Variants in PARP1 observed in about 807,000 individuals in gnomAD.
PARP1 encodes poly(ADP-ribose) polymerase 1.
A neutral mutation model predicts 118.7 loss-of-function variants in PARP1; 44 were observed. That is an observed-to-expected ratio of 0.37 (90% CI 0.29 to 0.48). PARP1 has a LOEUF of 0.48. Ranked by LOEUF, PARP1 falls within the 20% of genes least tolerant of loss-of-function variation. The pLI, the probability that PARP1 is intolerant of heterozygous loss-of-function variation, is 0.99. For missense variants in PARP1, 1,100 were observed against 1,272.4 expected, an observed-to-expected ratio of 0.86 and a Z score of 2.06; for synonymous variants, 492 against 483.2, an observed-to-expected ratio of 1.02 and a Z score of -0.24.
chr1:226,368,227 G>A lies in PARP1; in HGVS notation c.2249C>T (p.Pro750Leu), dbSNP rs766364807. Residue 750 changes from proline to leucine, a missense_variant, in exon 16 of 23, where the codon CCG becomes CTG. Physicochemically the swap from Pro to Leu is moderately conservative, Grantham distance 98 (BLOSUM62 -3). Around this residue, in one of 2 missense-constraint regions of PARP1, gnomAD observed 948 missense variants for 1,031.8 expected, o/e 0.92. Coordinates refer to ENST00000366794, the MANE Select transcript of PARP1 (RefSeq NM_001618.4). ...CACACTGTCTGCATTGTTCAGGAGC[G>A]GAGGCTTCTTCATCCCAAAGTCGTG... ...IPHDFGMKKP[P>L]LLNNADSVQA... The A allele has an allele frequency of 5.0e-6, 8 of 1,614,218 alleles. No individual in the cohort carries two copies. Among genetic ancestry groups the A allele is most frequent in the Non-Finnish European group, 6.8e-6 (8 of 1,180,032 alleles).
At chr1:226,398,307 T>C (rs886966942) in intron 2 of PARP1, among the ~76,000 whole-genome samples, 6 of 151,968 alleles carry the variant, frequency 3.9e-5, no homozygotes, top group East Asian at 1.9e-4. Context: ...AAACAAACAA[T>C]GTGATTTTAA....
intron 1 of PARP1, among the ~76,000 whole-genome samples, chr1:226,404,537 T>C (rs1459667352): frequency 1.3e-5 from 2 of 152,326 alleles, no homozygotes. Context: ...GTCTGGGTGC[T>C]GTCTCCCCCA....
rs3219149 is a variant in PARP1, at chr1:226,360,716, C to A, written c.*744G>T. On this transcript the variant is annotated 3_prime_UTR_variant, in exon 23 of 23. Transcript: ENST00000366794. The stretch of plus-strand genomic sequence containing the variant: ...TAGAGAAGGCATCTGCATTTTTAAT[C>A]GAGTATTACTATTAGCCCTTGGGTA... 0.011 allele frequency: 2,456 copies of A among 223,584 alleles called. 121 individuals are homozygous for A. Among genetic ancestry groups the A allele is most frequent in the Admixed American group, 0.091 (1,591 of 17,424 alleles). The allele number at this position is 223,584 out of a possible 1,614,324, so 13.9% of individuals were successfully genotyped here.
intron 22 of PARP1, 162 bp from the exon 23 acceptor site, chr1:226,361,703 G>T: frequency 1.4e-6 from 1 of 693,654 alleles, no homozygotes. Context: ...CTGGCAGGAT[G>T]CTCAATGCCA....
intron 17 of PARP1, 171 bp from the exon 18 acceptor site, chr1:226,366,223 G>A (rs369232313): frequency 2.0e-5 from 13 of 646,712 alleles, no homozygotes; most frequent in South Asian, 1.5e-4. Context: ...CTGGGCCAGT[G>A]GCTCCACTTA....
chr1:226,368,355 G>C, intron 15 of PARP1, 34 bp from the exon 16 acceptor site: 2 of 1,613,840 alleles, frequency 1.2e-6, no homozygotes, highest in Non-Finnish European at 1.7e-6. Flanking sequence ...ATGCAAGACT[G>C]AGGGAGCAGC....
intron 20 of PARP1, among the ~76,000 whole-genome samples, chr1:226,363,463 C>G (rs1039319566): frequency 6.6e-6 from 1 of 152,152 alleles, no homozygotes; most frequent in African/African-American, 2.4e-5. Flanking sequence ...GTCCCCAGAC[C>G]CCTGGCCTTT....
At chr1:226,362,484 A>T (rs1223971007) in intron 21 of PARP1, among the ~76,000 whole-genome samples, 3 of 152,224 alleles carry the variant, frequency 2.0e-5, no homozygotes, top group African/African-American at 7.2e-5. Context: ...TTCTTCAGAT[A>T]TAAAACTAAG....
intron 1 of PARP1, among the ~76,000 whole-genome samples, chr1:226,403,772 G>T (rs564195406): frequency 9.2e-5 from 14 of 152,340 alleles, no homozygotes; most frequent in African/African-American, 3.4e-4. Flanking sequence ...TCTGACTAAA[G>T]TAAGGGAAGT....
At position 226,383,402 on chromosome 1, in the gene PARP1, C is replaced by A. The variant is rs186604870; in HGVS notation, c.1012-219G>T. 2.0e-3 allele frequency among the ~76,000 whole-genome samples: 298 copies of A among 152,148 alleles called. 1 individual carries two copies. The highest frequency in any genetic ancestry group is 3.4e-3 in the Non-Finnish European group (234 of 67,992). On this transcript the variant is annotated intron_variant, in intron 7 of 22. Coordinates refer to ENST00000366794, the MANE Select transcript of PARP1 (RefSeq NM_001618.4). Reference sequence around the variant, plus strand: ...CGGTACTTTTACATTTATAATAGGGCTAATATTGTGGCTGCTTTAAGAGAA... The same window carrying A: ...CGGTACTTTTACATTTATAATAGGGATAATATTGTGGCTGCTTTAAGAGAA...
chr1:226,370,668 A>C (rs1664362898), intron 14 of PARP1, 151 bp from the exon 15 acceptor site: 2 of 701,248 alleles, frequency 2.9e-6, no homozygotes. Flanking sequence ...CCAAATCCAG[A>C]GTCTGTAGCC....
rs1386407309 is a variant in PARP1, at chr1:226,382,418, C to T, written c.1159+618G>A. Among the ~76,000 whole-genome samples, 4 of 152,336 alleles carry T rather than the reference C, an allele frequency of 2.6e-5. No homozygotes were observed. In the Middle Eastern group the frequency reaches 0.01, roughly 389 times the overall value. On this transcript the variant is annotated intron_variant, in intron 8 of 22. Coordinates refer to ENST00000366794, the MANE Select transcript of PARP1 (RefSeq NM_001618.4). ...AGGCCTGGGATGCTCCTCTGCAGTG[C>T]AGTCAGGCAGGAGACCCTGCGCCCA...
chr1:226,395,938 T>A (rs771543926), intron 2 of PARP1, among the ~76,000 whole-genome samples: 2 of 152,198 alleles, frequency 1.3e-5, no homozygotes, highest in Non-Finnish European at 2.9e-5. Context: ...CAGTTATTGC[T>A]TAATGGATTG....
rs1436491418 is a variant in PARP1 at position 226,381,061 on chromosome 1, A to G, written c.1300+7T>C. The G allele has an allele frequency of 6.2e-7, 1 of 1,614,212 alleles. No individual in the cohort carries two copies. The highest frequency in any genetic ancestry group is 1.3e-5 in the African/African-American group (1 of 75,058). ...GTCCCTGTTGCACAAATTCAGATTCAACTCACTTTTGGTGCTGATGCACAG... is the reference window on the plus strand; with the variant it reads ...GTCCCTGTTGCACAAATTCAGATTCGACTCACTTTTGGTGCTGATGCACAG... On this transcript the variant is annotated splice_region_variant and intron_variant, in intron 9 of 22. Coordinates refer to ENST00000366794, the MANE Select transcript of PARP1 (RefSeq NM_001618.4).
At chr1:226,399,723 T>A (rs1322178006) in intron 2 of PARP1, among the ~76,000 whole-genome samples, 1 of 152,128 alleles carries the variant, frequency 6.6e-6, no homozygotes, top group East Asian at 1.9e-4. Flanking sequence ...CATGGACCAC[T>A]CCGATAACGA....
chr1:226,388,003 T>C (rs1664748239), intron 5 of PARP1, among the ~76,000 whole-genome samples: 1 of 152,202 alleles, frequency 6.6e-6, no homozygotes. Flanking sequence ...CACAAGCAGA[T>C]GGTTCATAGA....
At chr1:226,403,230 G>C (rs1665072441) in intron 1 of PARP1, among the ~76,000 whole-genome samples, 2 of 152,246 alleles carry the variant, frequency 1.3e-5, no homozygotes, top group South Asian at 2.1e-4. Context: ...CTTGCACTGA[G>C]TGCAGTGGTG....
At chr1:226,377,444 C>T in intron 12 of PARP1, 141 bp from the exon 13 acceptor site, 2 of 695,276 alleles carry the variant, frequency 2.9e-6, no homozygotes, top group South Asian at 1.6e-5. Flanking sequence ...AGAACAAACA[C>T]AACTGCTATA....
chr1:226,379,789 G>T, intron 10 of PARP1, 133 bp downstream of exon 10: 1 of 1,465,182 alleles, frequency 6.8e-7, no homozygotes, highest in Non-Finnish European at 9.6e-7. Flanking sequence ...CAAAGCGCCT[G>T]CCATTCTGTG....
Sources: allele counts gnomAD v4.1 joint callset (sites outside exome capture counted in the v4.1 genomes callset), GRCh38; gene constraint gnomAD v4.1.1; regional missense constraint gnomAD v4.1.1; transcripts MANE v1.5; gene names NCBI Gene and HGNC (gene_info 2026-07-23, HGNC 2026-07-21).